RASEF: variants seen among roughly 807,000 people sequenced by gnomAD.
RASEF encodes RAS and EF-hand domain containing.
A neutral mutation model predicts 90.1 loss-of-function variants in RASEF; 68 were observed. The ratio of observed to expected loss-of-function variants is 0.75; its 90% confidence interval spans 0.62 to 0.92. The LOEUF (loss-of-function observed/expected upper bound fraction) is 0.92. Among genes scored for constraint, RASEF ranks in the 40% least tolerant of loss-of-function variants. The pLI is 0.00. For synonymous variants in RASEF, 331 were observed against 345.2 expected, an observed-to-expected ratio of 0.96 and a Z score of 0.46; for missense variants, 949 against 937.2, an observed-to-expected ratio of 1.01 and a Z score of -0.16.
the RASEF span, among the ~76,000 whole-genome samples, chr9:83,096,258 A>T: frequency 6.6e-6 from 1 of 152,190 alleles, no homozygotes; most frequent in Admixed American, 6.5e-5. Context: ...TGCTTGGTCA[A>T]ACACCATGAG....
chr9:82,982,819 G>GA, intron 16 of RASEF, 37 bp from the exon 17 acceptor site: 1 of 1,135,238 alleles, frequency 8.8e-7, no homozygotes, highest in South Asian at 1.2e-5. Flanking sequence ...GAGAGAGAGA[G>GA]AGAGAGAGAG....
At chr9:83,114,114 G>C in the RASEF span, among the ~76,000 whole-genome samples, 1 of 152,128 alleles carries the variant, frequency 6.6e-6, no homozygotes, top group Non-Finnish European at 1.5e-5. Context: ...CCGAATGGAG[G>C]GACCAGCTGA....
chr9:83,159,343 C>A, the RASEF span, among the ~76,000 whole-genome samples: 9 of 152,110 alleles, frequency 5.9e-5, no homozygotes, highest in African/African-American at 2.2e-4. Flanking sequence ...ATTTTACGAA[C>A]AAGTCCCCTA....
At chr9:83,173,038 ATT>A in the RASEF span, among the ~76,000 whole-genome samples, 1 of 151,702 alleles carries the variant, frequency 6.6e-6, no homozygotes, top group African/African-American at 2.4e-5. Context: ...TGAATGTTTT[ATT>A]TCCTTCAGCG....
intron 5 of RASEF, among the ~76,000 whole-genome samples, chr9:83,010,279 G>C (rs1220647434): frequency 1.3e-5 from 2 of 152,152 alleles, no homozygotes; most frequent in African/African-American, 4.8e-5. Flanking sequence ...CGTTCAAGAT[G>C]GTGGATGGAG....
chr9:83,045,040 T>TA (rs1829903558), intron 1 of RASEF, among the ~76,000 whole-genome samples: 1 of 152,232 alleles, frequency 6.6e-6, no homozygotes, highest in Non-Finnish European at 1.5e-5. Flanking sequence ...AGTTTGGACT[T>TA]ACCAGCCTCC....
the RASEF span, among the ~76,000 whole-genome samples, chr9:83,200,699 G>A: frequency 2.0e-5 from 3 of 152,302 alleles, no homozygotes; most frequent in East Asian, 3.9e-4. Context: ...TGTCTGTTGT[G>A]TTCACTGCTG....
At chr9:83,205,659 G>A in the RASEF span, among the ~76,000 whole-genome samples, 50 of 152,030 alleles carry the variant, frequency 3.3e-4, no homozygotes, top group African/African-American at 1.1e-3. Flanking sequence ...TCTGGAGTAG[G>A]CATCTCTTCT....
At chr9:82,988,802 AC>A (rs1828760234) in intron 16 of RASEF, among the ~76,000 whole-genome samples, 2 of 152,188 alleles carry the variant, frequency 1.3e-5, no homozygotes, top group Admixed American at 1.3e-4. Context: ...AGACTGCAGA[AC>A]CATGAGCCAA....
At chr9:82,984,508 T>C (rs974199974) in intron 16 of RASEF, among the ~76,000 whole-genome samples, 5 of 152,060 alleles carry the variant, frequency 3.3e-5, no homozygotes, top group Admixed American at 6.6e-5. Context: ...GTAAATGCAA[T>C]ATACATGTTT....
chr9:83,192,846 T>C, the RASEF span, among the ~76,000 whole-genome samples: 2 of 151,882 alleles, frequency 1.3e-5, no homozygotes, highest in South Asian at 2.1e-4. Context: ...ACTGAAACAG[T>C]GAAGAGAGCA....
the RASEF span, among the ~76,000 whole-genome samples, chr9:83,068,971 C>T: frequency 1.3e-5 from 2 of 152,012 alleles, no homozygotes; most frequent in African/African-American, 4.8e-5. Context: ...GTAAACATGC[C>T]ATTTAATATT....
chr9:82,987,374 T>C (rs4391505), intron 16 of RASEF, among the ~76,000 whole-genome samples: 78,145 of 152,058 alleles, frequency 0.51, 20,459 homozygotes, highest in East Asian at 0.77. Context: ...GCAAGAAGCT[T>C]ATCTTATTTC....
At chr9:83,089,677 T>C in the RASEF span, among the ~76,000 whole-genome samples, 1 of 152,192 alleles carries the variant, frequency 6.6e-6, no homozygotes, top group South Asian at 2.1e-4. Context: ...GGTGATTTGT[T>C]GTTTGTCTTG....
chr9:83,012,561 T>G (rs775421663), intron 4 of RASEF, 50 bp from the exon 5 acceptor site: 2 of 1,168,362 alleles, frequency 1.7e-6, no homozygotes, highest in Non-Finnish European at 2.4e-6. Context: ...TTTGAATTGC[T>G]TTGGTTAAGT....
chr9:83,089,500 A>T, the RASEF span, among the ~76,000 whole-genome samples: 1 of 152,096 alleles, frequency 6.6e-6, no homozygotes, highest in African/African-American at 2.4e-5. Context: ...GCTATTGTTT[A>T]TCTGTGAATG....
chr9:83,201,586 T>C, the RASEF span, among the ~76,000 whole-genome samples: 1 of 152,158 alleles, frequency 6.6e-6, no homozygotes, highest in African/African-American at 2.4e-5. Flanking sequence ...AATATAGCAG[T>C]TGGACTCAAT....
the RASEF span, among the ~76,000 whole-genome samples, chr9:83,163,991 G>C: frequency 5.3e-4 from 69 of 130,934 alleles, no homozygotes; most frequent in East Asian, 0.015. Context: ...AATCTTACTT[G>C]AGAGGAAAAA....
the RASEF span, among the ~76,000 whole-genome samples, chr9:83,078,860 T>C: frequency 1.3e-5 from 2 of 152,244 alleles, no homozygotes; most frequent in Admixed American, 1.3e-4. Flanking sequence ...TTTTGAGAAA[T>C]GTCTGTTCAT....
Sources: allele counts gnomAD v4.1 joint callset (sites outside exome capture counted in the v4.1 genomes callset), GRCh38; gene constraint gnomAD v4.1.1; transcripts MANE v1.5; gene names NCBI Gene and HGNC (gene_info 2026-07-23, HGNC 2026-07-21).